ADGRB3: variants seen among roughly 807,000 people sequenced by gnomAD.
ADGRB3 encodes the protein adhesion G protein-coupled receptor B3.
A neutral mutation model predicts 193.4 loss-of-function variants in ADGRB3; 37 were observed. The ratio of observed to expected loss-of-function variants is 0.19; its 90% CI spans 0.15 to 0.25. The LOEUF (loss-of-function observed/expected upper bound fraction) is 0.25. Among genes scored for constraint, ADGRB3 ranks in the 10% least tolerant of loss-of-function variants. The pLI, the probability that ADGRB3 is intolerant of heterozygous loss-of-function variation, is 1.00. For synonymous variants in ADGRB3, 690 were observed against 644.2 expected, an observed-to-expected ratio of 1.07 and a Z score of -1.08; for missense variants, 1,637 against 1,852.9, an observed-to-expected ratio of 0.88 and a Z score of 2.14.
intron 6 of ADGRB3, among the ~76,000 whole-genome samples, chr6:68,949,576 G>C (rs1355945831): frequency 1.3e-5 from 2 of 152,130 alleles, no homozygotes; most frequent in African/African-American, 4.8e-5. Flanking sequence ...TGAAGACAGT[G>C]AATGGAAAGA....
rs542067146 is a variant in ADGRB3, at chr6:68,823,883, T to C, written c.758-106676T>C. Reference sequence around the variant, plus strand: ...TTGTATAAAAATGTCATAGTAATTATCTCATTGTTGAATAATAATTTAGTT... The same window carrying C: ...TTGTATAAAAATGTCATAGTAATTACCTCATTGTTGAATAATAATTTAGTT... On this transcript the variant is annotated intron_variant, in intron 3 of 31. Transcript: ENST00000370598. Among the ~76,000 whole-genome samples, 3 of 152,312 alleles carry C rather than the reference T, an allele frequency of 2.0e-5. No homozygotes were observed. In the South Asian group the frequency reaches 6.2e-4, roughly 32 times the overall value.
At chr6:69,233,870 T>TATAA (rs1766205468) in intron 18 of ADGRB3, among the ~76,000 whole-genome samples, 1 of 152,150 alleles carries the variant, frequency 6.6e-6, no homozygotes, top group Non-Finnish European at 1.5e-5. Flanking sequence ...TGGATGTAAA[T>TATAA]ATAAATAAAT....
intron 3 of ADGRB3, among the ~76,000 whole-genome samples, chr6:68,844,789 A>T (rs1768240725): frequency 6.6e-6 from 1 of 152,226 alleles, no homozygotes; most frequent in African/African-American, 2.4e-5. Flanking sequence ...ATTCAGCCAT[A>T]AAAAAGAGTG....
chr6:68,893,596 A>G (rs1057027912), intron 3 of ADGRB3, among the ~76,000 whole-genome samples: 1 of 151,850 alleles, frequency 6.6e-6, no homozygotes, highest in Non-Finnish European at 1.5e-5. Flanking sequence ...AAAAGAAAAA[A>G]GAAACAAAGA....
chr6:69,385,093 A>G (rs1770038537), intron 31 of ADGRB3, among the ~76,000 whole-genome samples: 1 of 151,938 alleles, frequency 6.6e-6, no homozygotes, highest in Admixed American at 6.6e-5. Flanking sequence ...CCTTGCTTCC[A>G]GGCAGGAAAA....
chr6:68,832,399 C>A lies in ADGRB3; in HGVS notation c.758-98160C>A, dbSNP rs497240. On this transcript the variant is annotated intron_variant, in intron 3 of 31. Coordinates refer to ENST00000370598, the MANE Select transcript of ADGRB3 (RefSeq NM_001704.3). ...ATAATTATTTGACTACTCATTTCAC[C>A]TCCTCGACTAGACTCTTAATTTCCA... Among the ~76,000 whole-genome samples the A allele has an allele frequency of 2.2e-3, 337 of 151,960 alleles. 3 individuals carry two copies. Among genetic ancestry groups the A allele is most frequent in the African/African-American group, 7.6e-3 (315 of 41,456 alleles).
chr6:68,829,267 T>G (rs1166934283), intron 3 of ADGRB3, among the ~76,000 whole-genome samples: 1 of 150,768 alleles, frequency 6.6e-6, no homozygotes, highest in Non-Finnish European at 1.5e-5. Context: ...GCCCAGCTAA[T>G]TTTTTTTTAT....
At chr6:68,812,479 T>C (rs906417372) in intron 3 of ADGRB3, among the ~76,000 whole-genome samples, 2 of 152,172 alleles carry the variant, frequency 1.3e-5, no homozygotes, top group African/African-American at 4.8e-5. Context: ...TAATACTTTA[T>C]AGATAATAGT....
At chr6:68,683,819 A>G (rs1446647625) in intron 3 of ADGRB3, among the ~76,000 whole-genome samples, 1 of 152,086 alleles carries the variant, frequency 6.6e-6, no homozygotes, top group African/African-American at 2.4e-5. Flanking sequence ...GTCTTTGCAA[A>G]TGCCCCATAT....
At chr6:69,268,674 T>C (rs1167811550) in intron 20 of ADGRB3, among the ~76,000 whole-genome samples, 1 of 152,176 alleles carries the variant, frequency 6.6e-6, no homozygotes, top group African/African-American at 2.4e-5. Flanking sequence ...AAACTTCACA[T>C]TGATTTTCTG....
At position 69,292,670 on chromosome 6, in the gene ADGRB3, G is replaced by A. The variant is rs571528261; in HGVS notation, c.2815-32202G>A. On this transcript the variant is annotated intron_variant, in intron 20 of 31. Transcript: ENST00000370598. ...GAGATCCACTGTAGGGAGATATGAG[G>A]GAGGAAGCAATGAGAAGTCAGAGTA... Among the ~76,000 whole-genome samples the A allele has an allele frequency of 1.2e-3, 187 of 152,120 alleles. 2 individuals carry two copies. In the South Asian group the frequency reaches 0.019, roughly 15 times the overall value.
chr6:69,082,326 T>A (rs1226551350), intron 17 of ADGRB3, among the ~76,000 whole-genome samples: 2 of 152,064 alleles, frequency 1.3e-5, no homozygotes, highest in African/African-American at 2.4e-5. Flanking sequence ...TGTCCAAGGC[T>A]AGAGAGGATC....
chr6:69,157,782 G>A (rs1231185641), intron 17 of ADGRB3, among the ~76,000 whole-genome samples: 1 of 151,750 alleles, frequency 6.6e-6, no homozygotes, highest in East Asian at 1.9e-4. Context: ...GAAATTGATG[G>A]TTAGAATGGT....
chr6:69,158,486 A>G (rs2150343743), intron 17 of ADGRB3, among the ~76,000 whole-genome samples: 1 of 152,184 alleles, frequency 6.6e-6, no homozygotes, highest in East Asian at 1.9e-4. Context: ...CTCAGAATCA[A>G]TGTAAATGAA....
chr6:68,744,213 T>G (rs73463948), intron 3 of ADGRB3, among the ~76,000 whole-genome samples: 3 of 151,034 alleles, frequency 2.0e-5, no homozygotes, highest in South Asian at 2.1e-4. Flanking sequence ...AAAACAGAAC[T>G]TTTTTTAATG....
At chr6:69,330,029 A>C (rs1421633482) in intron 22 of ADGRB3, among the ~76,000 whole-genome samples, 1 of 152,196 alleles carries the variant, frequency 6.6e-6, no homozygotes, top group East Asian at 1.9e-4. Context: ...ATTCCCTGCA[A>C]TGATGGCTTT....
chr6:68,858,619 T>G (rs1409296524), intron 3 of ADGRB3, among the ~76,000 whole-genome samples: 1 of 130,914 alleles, frequency 7.6e-6, no homozygotes, highest in East Asian at 2.3e-4. Context: ...AAACACAGCA[T>G]AAATACAATT....
Position 68,638,930 on chromosome 6 carries a change from C to G in ADGRB3, c.255C>G (p.Leu85=). 1 of 1,614,132 alleles carries G rather than the reference C, an allele frequency of 6.2e-7. No homozygotes were observed. The highest frequency in any genetic ancestry group is 8.5e-7 in the Non-Finnish European group (1 of 1,180,026). ...KKDLSCSNFS[L]LAYQFDHFSH... Reference sequence around the variant, plus strand: ...ACCTTAGCTGCTCTAACTTTTCACTCCTGGCTTATCAGTTTGATCATTTTT... The same window carrying G: ...ACCTTAGCTGCTCTAACTTTTCACTGCTGGCTTATCAGTTTGATCATTTTT... Residue 85 remains leucine (L), a synonymous_variant, in exon 3 of 32, where the codon CTC becomes CTG. Coordinates refer to ENST00000370598, the MANE Select transcript of ADGRB3 (RefSeq NM_001704.3).
At chr6:69,369,055 A>G (rs1278696264) in intron 29 of ADGRB3, among the ~76,000 whole-genome samples, 1 of 152,152 alleles carries the variant, frequency 6.6e-6, no homozygotes, top group African/African-American at 2.4e-5. Flanking sequence ...AAATATTTCA[A>G]TATCACCTAT....
Sources: gnomAD v4.1 joint callset for allele counts (sites outside exome capture counted in the v4.1 genomes callset) on GRCh38, gnomAD v4.1.1 for gene constraint, MANE v1.5 for transcripts, NCBI Gene and HGNC (gene_info 2026-07-23, HGNC 2026-07-21) for gene names.